Variants in OXR1 observed in about 807,000 individuals in gnomAD.
The protein encoded by OXR1 is oxidation resistance protein 1.
A neutral mutation model predicts 104.6 loss-of-function variants in OXR1; 41 were observed. That is an observed-to-expected ratio of 0.39 (90% CI 0.31 to 0.51). OXR1 has a LOEUF of 0.51. OXR1 is among the 20% of genes least tolerant of loss of function. The pLI is 0.77. For missense variants in OXR1, 955 were observed against 1,031.9 expected (o/e 0.93, Z 1.02); for synonymous variants, 348 against 348.4 (o/e 1.00, Z 0.01).
At chr8:106,688,713 C>A (rs957552127) in intron 6 of OXR1, among the ~76,000 whole-genome samples, 4 of 152,036 alleles carry the variant, frequency 2.6e-5, no homozygotes, top group Admixed American at 6.6e-5. Flanking sequence ...TAATCATGAT[C>A]TGTATTTTTA....
intron 2 of OXR1, among the ~76,000 whole-genome samples, chr8:106,490,284 T>A (rs1342837280): frequency 6.6e-6 from 1 of 152,164 alleles, no homozygotes; most frequent in Non-Finnish European, 1.5e-5. Context: ...AGATTTAAAA[T>A]GCTATGATAA....
intron 2 of OXR1, among the ~76,000 whole-genome samples, chr8:106,373,104 T>C (rs1326861124): frequency 1.3e-5 from 2 of 152,194 alleles, no homozygotes; most frequent in Non-Finnish European, 2.9e-5. Flanking sequence ...TTAGGTATTA[T>C]AAGTATCTAG....
chr8:106,349,035 T>C (rs908215692), intron 1 of OXR1, among the ~76,000 whole-genome samples: 2 of 152,200 alleles, frequency 1.3e-5, no homozygotes, highest in Non-Finnish European at 2.9e-5. Context: ...AATTTCCAGC[T>C]AATTTCCAGC....
intron 1 of OXR1, among the ~76,000 whole-genome samples, chr8:106,312,263 C>T: frequency 6.6e-6 from 1 of 152,180 alleles, no homozygotes; most frequent in Non-Finnish European, 1.5e-5. Context: ...TTAAGATAAA[C>T]AGCCAAGTTC....
At chr8:106,379,713 T>G (rs949328953) in intron 2 of OXR1, among the ~76,000 whole-genome samples, 3 of 151,876 alleles carry the variant, frequency 2.0e-5, no homozygotes, top group African/African-American at 7.3e-5. Context: ...AAGTTTTGTA[T>G]TTTTATCATG....
At chr8:106,321,710 TATAA>T (rs1229860310) in intron 1 of OXR1, among the ~76,000 whole-genome samples, 2 of 152,210 alleles carry the variant, frequency 1.3e-5, no homozygotes, top group Non-Finnish European at 2.9e-5. Flanking sequence ...TGACTGATGT[TATAA>T]ATTGCTTTTG....
At chr8:106,377,129 A>C (rs143047628) in intron 2 of OXR1, among the ~76,000 whole-genome samples, 304 of 152,322 alleles carry the variant, frequency 2.0e-3, no homozygotes, top group African/African-American at 7.0e-3. Context: ...GGAAAACAAT[A>C]GTTCAAACTA....
chr8:106,334,667 A>G (rs1814881252), intron 1 of OXR1, among the ~76,000 whole-genome samples: 1 of 152,188 alleles, frequency 6.6e-6, no homozygotes, highest in East Asian at 1.9e-4. Context: ...TCATCAACTC[A>G]TCTAAACTAC....
At chr8:106,427,442 C>T (rs975727756) in intron 2 of OXR1, among the ~76,000 whole-genome samples, 4 of 152,152 alleles carry the variant, frequency 2.6e-5, no homozygotes. Context: ...GCTGGGATTA[C>T]AGGCATGAAT....
chr8:106,486,959 T>A (rs558789549), intron 2 of OXR1, among the ~76,000 whole-genome samples: 13 of 152,098 alleles, frequency 8.5e-5, no homozygotes, highest in African/African-American at 3.1e-4. Context: ...ACAACAGCTT[T>A]GGGTAATAGT....
intron 11 of OXR1, among the ~76,000 whole-genome samples, chr8:106,719,931 G>A (rs891679270): frequency 6.6e-6 from 1 of 151,928 alleles, no homozygotes; most frequent in Non-Finnish European, 1.5e-5. Flanking sequence ...TCAGCTTCCC[G>A]AGCAGCTGGG....
At chr8:106,359,062 T>TCTTTCTTTCTTC (rs1352220938) in intron 1 of OXR1, among the ~76,000 whole-genome samples, 1 of 72,394 alleles carries the variant, frequency 1.4e-5, no homozygotes, top group African/African-American at 4.3e-5. Context: ...TTTCTTTCTT[T>TCTTTCTTTCTTC]CTTTCTTTCT....
intron 1 of OXR1, among the ~76,000 whole-genome samples, chr8:106,327,767 A>C (rs1308278787): frequency 3.3e-5 from 5 of 152,248 alleles, no homozygotes; most frequent in Admixed American, 1.3e-4. Flanking sequence ...TACTCATGCC[A>C]GAGGAATTGT....
chr8:106,349,945 A>ATG (rs1414282242), intron 1 of OXR1, among the ~76,000 whole-genome samples: 1 of 152,208 alleles, frequency 6.6e-6, no homozygotes, highest in Non-Finnish European at 1.5e-5. Flanking sequence ...GGTGATGAGA[A>ATG]TGTTAGAGTG....
At chr8:106,320,190 A>C (rs1814156346) in intron 1 of OXR1, among the ~76,000 whole-genome samples, 1 of 152,196 alleles carries the variant, frequency 6.6e-6, no homozygotes, top group South Asian at 2.1e-4. Flanking sequence ...TTAGCCCCTC[A>C]TTCTGAAGTG....
chr8:106,514,121 C>A (rs1040472649), intron 2 of OXR1, among the ~76,000 whole-genome samples: 3 of 152,126 alleles, frequency 2.0e-5, no homozygotes, highest in African/African-American at 2.4e-5. Flanking sequence ...CAACAAAGAA[C>A]CTCGCAGTGC....
chr8:106,615,718 A>G (rs1168582479), intron 3 of OXR1, among the ~76,000 whole-genome samples: 2 of 152,158 alleles, frequency 1.3e-5, no homozygotes, highest in African/African-American at 4.8e-5. Flanking sequence ...AGGAACATCA[A>G]GGCATCTTCA....
In OXR1 at chr8:106,652,495, G is replaced by A. The variant is rs140225367; in HGVS notation, c.221-26715G>A. Among the ~76,000 whole-genome samples, 1,312 of 152,008 alleles carry A rather than the reference G, an allele frequency of 8.6e-3. 19 individuals are homozygous for A. Among genetic ancestry groups the A allele is most frequent in the African/African-American group, 0.029 (1,220 of 41,476 alleles). On this transcript the variant is annotated intron_variant, in intron 3 of 16. Transcript: ENST00000517566. ...AATTTGGGAAATTCACAAACATGTG[G>A]AAATTAAACAACATACTCCTAAATA...
At chr8:106,564,415 A>G (rs1441915315) in intron 3 of OXR1, among the ~76,000 whole-genome samples, 1 of 151,690 alleles carries the variant, frequency 6.6e-6, no homozygotes, top group Non-Finnish European at 1.5e-5. Flanking sequence ...ACACATACAC[A>G]CACACACCCC....
Sources: gnomAD v4.1 joint callset for allele counts (sites outside exome capture counted in the v4.1 genomes callset) on GRCh38, gnomAD v4.1.1 for gene constraint, MANE v1.5 for transcripts, NCBI Gene and HGNC (gene_info 2026-07-23, HGNC 2026-07-21) for gene names.